The following KAZN variants were observed in gnomAD, a reference collection of about 807,000 sequenced individuals.
KAZN encodes kazrin.
Under a neutral mutation model 87.4 loss-of-function variants are expected in KAZN, and 40 were observed. The ratio of observed to expected loss-of-function variants is 0.46; its 90% confidence interval spans 0.36 to 0.60. KAZN has a LOEUF of 0.60. KAZN is among the 20% of genes least tolerant of loss of function. The pLI is 0.00. For missense variants in KAZN, 898 were observed against 1,073.9 expected (o/e 0.84, Z 2.29); for synonymous variants, 466 against 458.3 (o/e 1.02, Z -0.22).
chr1:14,904,203 G>A (rs954339991), intron 1 of KAZN, among the ~76,000 whole-genome samples: 4 of 151,422 alleles, frequency 2.6e-5, no homozygotes, highest in African/African-American at 9.7e-5. Flanking sequence ...CCTTATTCAT[G>A]CAATGGGTTT....
intron 1 of KAZN, among the ~76,000 whole-genome samples, chr1:14,667,656 G>A (rs1053264437): frequency 3.3e-5 from 5 of 152,142 alleles, no homozygotes; most frequent in Admixed American, 1.3e-4. Flanking sequence ...AACAAACAGA[G>A]AATTTGGGAA....
At chr1:14,741,897 T>G (rs988726629) in intron 1 of KAZN, among the ~76,000 whole-genome samples, 1 of 152,228 alleles carries the variant, frequency 6.6e-6, no homozygotes, top group African/African-American at 2.4e-5. Flanking sequence ...AATCCAAATA[T>G]TCCCTTTCTG....
chr1:14,891,889 G>A (rs1056424522), intron 1 of KAZN, among the ~76,000 whole-genome samples: 3 of 152,134 alleles, frequency 2.0e-5, no homozygotes, highest in African/African-American at 7.2e-5. Context: ...GTGGGATGGG[G>A]CAGTAAGACG....
intron 1 of KAZN, among the ~76,000 whole-genome samples, chr1:14,615,702 G>A (rs996950450): frequency 3.3e-5 from 5 of 152,000 alleles, no homozygotes; most frequent in African/African-American, 1.2e-4. Flanking sequence ...CCAATCGTAT[G>A]GCCAACGTGT....
chr1:13,981,251 A>T (rs1043131910), intron 1 of KAZN, among the ~76,000 whole-genome samples: 2 of 147,378 alleles, frequency 1.4e-5, no homozygotes, highest in African/African-American at 2.5e-5. Context: ...TAAAATTATT[A>T]ATTTAAAATA....
intron 1 of KAZN, among the ~76,000 whole-genome samples, chr1:14,154,275 T>TA (rs1229859027): frequency 3.3e-5 from 5 of 152,272 alleles, no homozygotes; most frequent in Non-Finnish European, 5.9e-5. Flanking sequence ...ATGGGATTTT[T>TA]AAAAAAAATT....
intron 1 of KAZN, among the ~76,000 whole-genome samples, chr1:14,940,956 A>G (rs1661005499): frequency 8.2e-6 from 1 of 121,782 alleles, no homozygotes; most frequent in Non-Finnish European, 1.6e-5. Context: ...TGCCCTGTCG[A>G]CCAGGCTGGA....
At chr1:14,040,020 A>G (rs1374840474) in intron 1 of KAZN, among the ~76,000 whole-genome samples, 1 of 152,116 alleles carries the variant, frequency 6.6e-6, no homozygotes, top group Non-Finnish European at 1.5e-5. Flanking sequence ...ATCTGGCTGA[A>G]CTTGGTGGAA....
intron 7 of KAZN, among the ~76,000 whole-genome samples, chr1:15,064,793 T>A (rs1412762692): frequency 6.6e-6 from 1 of 152,214 alleles, no homozygotes; most frequent in Non-Finnish European, 1.5e-5. Context: ...CTTAGTGCCC[T>A]GGCACGGCAG....
intron 2 of KAZN, among the ~76,000 whole-genome samples, chr1:14,575,348 G>A (rs1370958008): frequency 1.3e-5 from 2 of 152,122 alleles, no homozygotes; most frequent in Non-Finnish European, 2.9e-5. Context: ...CACGGCAGAA[G>A]GCAAAAGGCA....
intron 3 of KAZN, among the ~76,000 whole-genome samples, chr1:15,041,322 A>ATTTTTT (rs1220391505): frequency 9.6e-5 from 8 of 83,184 alleles, no homozygotes; most frequent in African/African-American, 4.8e-4. Flanking sequence ...TACTCTCCGC[A>ATTTTTT]TTTTTTTTCT....
intron 1 of KAZN, among the ~76,000 whole-genome samples, chr1:14,669,847 G>A (rs1220264749): frequency 2.0e-5 from 3 of 152,174 alleles, no homozygotes; most frequent in African/African-American, 4.8e-5. Flanking sequence ...CTTTGTATGT[G>A]TATTTTAAAA....
chr1:13,896,539 G>T (rs1639053118), intron 1 of KAZN, among the ~76,000 whole-genome samples: 1 of 152,150 alleles, frequency 6.6e-6, no homozygotes, highest in Admixed American at 6.5e-5. Flanking sequence ...CGATCCTTCT[G>T]TCTCAGCCTC....
At chr1:14,571,714 C>A (rs539703943) in intron 2 of KAZN, among the ~76,000 whole-genome samples, 2 of 152,106 alleles carry the variant, frequency 1.3e-5, no homozygotes, top group African/African-American at 2.4e-5. Context: ...TGTGAGACTC[C>A]GGGCCAGGGT....
chr1:13,951,583 C>T (rs986882527), intron 1 of KAZN, among the ~76,000 whole-genome samples: 1 of 150,408 alleles, frequency 6.6e-6, no homozygotes, highest in African/African-American at 2.4e-5. Context: ...AATATTTGGA[C>T]AAGCCACTTC....
intron 2 of KAZN, among the ~76,000 whole-genome samples, chr1:14,545,723 G>A (rs12564157): frequency 6.6e-6 from 1 of 151,950 alleles, no homozygotes; most frequent in Non-Finnish European, 1.5e-5. Flanking sequence ...AGGTAGACAG[G>A]GGTCTCTGTT....
At chr1:14,273,305 G>C (rs139402135) in intron 2 of KAZN, among the ~76,000 whole-genome samples, 25 of 152,154 alleles carry the variant, frequency 1.6e-4, no homozygotes, top group African/African-American at 6.0e-4. Flanking sequence ...GAAATACAGA[G>C]AAGATGCAGT....
intron 1 of KAZN, among the ~76,000 whole-genome samples, chr1:13,909,439 C>T (rs536303548): frequency 2.6e-5 from 4 of 152,104 alleles, no homozygotes; most frequent in Admixed American, 2.6e-4. Context: ...GGAGAGCTCC[C>T]GTCTAGCATT....
intron 1 of KAZN, among the ~76,000 whole-genome samples, chr1:13,905,663 T>C (rs993571240): frequency 6.6e-6 from 1 of 152,220 alleles, no homozygotes; most frequent in African/African-American, 2.4e-5. Flanking sequence ...TTGCCATCTA[T>C]CCCATGTGGC....
Sources: gnomAD v4.1 joint callset for allele counts (sites outside exome capture counted in the v4.1 genomes callset) on GRCh38, gnomAD v4.1.1 for gene constraint, MANE v1.5 for transcripts, NCBI Gene and HGNC (gene_info 2026-07-23, HGNC 2026-07-21) for gene names.